ZNF551: variants seen among roughly 807,000 people sequenced by gnomAD.
ZNF551 encodes the protein KOX 23 protein (56 AA).
Under a neutral mutation model 7.9 loss-of-function variants are expected in ZNF551, and 5 were observed. The observed-to-expected ratio is 0.63, with a 90% CI of 0.33 to 1.33. The LOEUF is 1.33. ZNF551 is among the 40% of genes most tolerant of loss of function. The pLI is 0.05. For synonymous variants in ZNF551, 287 were observed against 277.3 expected (o/e 1.03, Z -0.35); for missense variants, 788 against 825.2 (o/e 0.95, Z 0.55).
rs760377105 is a variant in ZNF551, at chr19:57,686,729, A to C, written c.454A>C (p.Lys152Gln). 1.2e-6 allele frequency: 2 copies of C among 1,614,198 alleles called. No homozygotes were observed. The highest frequency in any genetic ancestry group is 3.3e-5 in the Admixed American group (2 of 60,022). The change falls in exon 3 of 3, where the codon AAG becomes CAG. Residue 152 changes from lysine to glutamine, a missense_variant. Transcript: ENST00000282296. Reference sequence around the variant, plus strand: ...CAGTGCTGACCTTCACCAGCATCAAAAGCATTACAATGAAGAAGAGCCCTG... The same window carrying C: ...CAGTGCTGACCTTCACCAGCATCAACAGCATTACAATGAAGAAGAGCCCTG... ...CFSADLHQHQ[K>Q]HYNEEEPWKR...
intron 1 of ZNF551, among the ~76,000 whole-genome samples, chr19:57,682,475 T>C (rs1215431602): frequency 3.3e-5 from 5 of 152,072 alleles, no homozygotes; most frequent in Non-Finnish European, 7.4e-5. Flanking sequence ...TTCAGGAGCC[T>C]GGGGTCCGTC....
chr19:57,686,757 A>T lies in ZNF551; in HGVS notation c.482A>T (p.Lys161Ile). 6.2e-7 allele frequency: 1 copy of T among 1,614,200 alleles called. No individual in the cohort carries two copies. ...CATTACAATGAAGAAGAGCCCTGGA[A>T]AAGGAAGGTGGATGAGGCTACATTT... ...QKHYNEEEPW[K>I]RKVDEATFVT... The change falls in exon 3 of 3, where the codon AAA becomes ATA. Residue 161 changes from lysine to isoleucine, a missense_variant. By Grantham distance (102) the Lys-to-Ile change is moderately radical. Transcript: ENST00000282296.
chr19:57,684,340 G>A (rs1196991546), intron 1 of ZNF551, among the ~76,000 whole-genome samples: 1 of 152,158 alleles, frequency 6.6e-6, no homozygotes, highest in East Asian at 1.9e-4. Flanking sequence ...CTGTGGGAGT[G>A]ACACTGTGAG....
rs998045583 is a variant in ZNF551, at chr19:57,688,057, A to G, written c.1782A>G (p.Lys594=). Residue 594 remains lysine, a synonymous_variant, in exon 3 of 3, where the codon AAA becomes AAG. Transcript: ENST00000282296. The stretch of plus-strand genomic sequence containing the variant: ...CTTATGAATGTAGTGAATGTGGGAA[A>G]TCCTTTAGCCAGAGCTCTAGCCTCA... The part of the protein sequence containing the change: ...ERPYECSECG[K]SFSQSSSLIQ... 57 of 1,613,874 alleles carry G rather than the reference A, an allele frequency of 3.5e-5. No individual in the cohort carries two copies. Among genetic ancestry groups the G allele is most frequent in the Non-Finnish European group, 4.5e-5 (53 of 1,179,994 alleles).
In ZNF551 at chr19:57,686,854, A is replaced by G. The variant is rs751151566; in HGVS notation, c.579A>G (p.Leu193=). The G allele has an allele frequency of 1.2e-6, 2 of 1,614,060 alleles. No homozygotes were observed. Among genetic ancestry groups the G allele is most frequent in the South Asian group, 1.1e-5 (1 of 91,086 alleles). ...CGEAFPAPTD[L]LQHEATPSGE... ...AGGCCTTCCCAGCCCCCACGGACCT[A>G]CTCCAACACGAAGCCACTCCCAGTG... The change falls in exon 3 of 3, where the codon CTA becomes CTG. Residue 193 remains leucine, a synonymous_variant. Coordinates refer to ENST00000282296, the MANE Select transcript of ZNF551 (RefSeq NM_138347.5).
intron 1 of ZNF551, among the ~76,000 whole-genome samples, chr19:57,683,987 G>A (rs921797672): frequency 6.6e-6 from 1 of 152,164 alleles, no homozygotes; most frequent in Non-Finnish European, 1.5e-5. Context: ...ATGGGCCCGG[G>A]GTAGAGAGCC....
rs775536370 is a variant in ZNF551, at chr19:57,686,900, A to G, written c.625A>G (p.Ser209Gly). 10 of 1,614,228 alleles carry G rather than the reference A, an allele frequency of 6.2e-6. No individual in the cohort carries two copies. Among genetic ancestry groups the G allele is most frequent in the Non-Finnish European group, 8.5e-6 (10 of 1,180,036 alleles). ...TPSGEEPHSSSSKHIQAFFNA... is the reference protein window; with the variant it reads ...TPSGEEPHSSGSKHIQAFFNA... ...CAGTGGTGAGGAGCCACACAGTAGC[A>G]GCAGCAAGCATATACAGGCATTTTT... is the stretch of plus-strand genomic sequence containing the variant. The change falls in exon 3 of 3, where the codon AGC (serine) becomes GGC (glycine). Residue 209 changes from serine to glycine, a missense_variant. Physicochemically the swap from Ser to Gly is moderately conservative, Grantham distance 56 (BLOSUM62 0). Transcript: ENST00000282296.
At chr19:57,686,454 A>G in intron 2 of ZNF551, 27 bp from the exon 3 acceptor site, 1 of 1,592,876 alleles carries the variant, frequency 6.3e-7, no homozygotes, top group Non-Finnish European at 8.6e-7. Context: ...GTCAGCATGC[A>G]TTTCATCAGC....
Position 57,687,954 on chromosome 19 carries a change from A to G in ZNF551, c.1679A>G (p.Glu560Gly). 1 of 1,614,164 alleles carries G rather than the reference A, an allele frequency of 6.2e-7. No homozygotes were observed. Among genetic ancestry groups the G allele is most frequent in the African/African-American group, 1.3e-5 (1 of 75,054 alleles). ...RRLHTGERPYECSECGKSFSQ... is the reference protein window; with the variant it reads ...RRLHTGERPYGCSECGKSFSQ... ...CTTCATACTGGAGAAAGGCCTTATG[A>G]ATGTAGTGAATGTGGAAAGTCTTTT... The change falls in exon 3 of 3, where the codon GAA becomes GGA. Residue 560 changes from glutamate to glycine, a missense_variant. Coordinates refer to ENST00000282296, the MANE Select transcript of ZNF551 (RefSeq NM_138347.5).
At chr19:57,682,457 G>A (rs186166867) in intron 1 of ZNF551, among the ~76,000 whole-genome samples, 1 of 151,934 alleles carries the variant, frequency 6.6e-6, no homozygotes, top group Non-Finnish European at 1.5e-5. Context: ...CGACTAAGCT[G>A]GGGGGGATTC....
At chr19:57,684,446 C>G (rs931293885) in intron 1 of ZNF551, among the ~76,000 whole-genome samples, 2 of 152,088 alleles carry the variant, frequency 1.3e-5, no homozygotes, top group African/African-American at 4.8e-5. Flanking sequence ...AACCAAGACC[C>G]TTGGTTGTGT....
chr19:57,687,919 G>A lies in ZNF551; in HGVS notation c.1644G>A (p.Gln548=), dbSNP rs774920345. 5.6e-6 allele frequency: 9 copies of A among 1,613,844 alleles called. No homozygotes were observed. Among genetic ancestry groups the A allele is most frequent in the Non-Finnish European group, 7.6e-6 (9 of 1,179,994 alleles). Residue 548 remains glutamine, a synonymous_variant, in exon 3 of 3, where the codon CAG becomes CAA. Coordinates refer to ENST00000282296, the MANE Select transcript of ZNF551 (RefSeq NM_138347.5). ...KSFRQRSGLI[Q]HRRLHTGERP... ...TTAGACAGCGCTCTGGCCTCATTCA[G>A]CACCGGAGACTTCATACTGGAGAAA... is the stretch of plus-strand genomic sequence containing the variant.
rs867919448 is a variant in ZNF551 at position 57,686,757 on chromosome 19, AAAGG to A, written c.487_490del (p.Lys163TrpfsTer7). On this transcript the variant is annotated frameshift_variant, in exon 3 of 3. Transcript: ENST00000282296. LOFTEE classifies it low-confidence loss of function (END_TRUNC). ...CATTACAATGAAGAAGAGCCCTGGA[AAAGG>A]AAGGTGGATGAGGCTACATTTGTGA... is the stretch of plus-strand genomic sequence containing the variant. 5.6e-6 allele frequency: 9 copies of A among 1,614,082 alleles called. No individual in the cohort carries two copies. The highest frequency in any genetic ancestry group is 4.0e-5 in the African/African-American group (3 of 74,932).
intron 1 of ZNF551, among the ~76,000 whole-genome samples, chr19:57,684,269 T>G (rs1395820808): frequency 6.6e-6 from 1 of 152,178 alleles, no homozygotes; most frequent in African/African-American, 2.4e-5. Flanking sequence ...CCCCATATGC[T>G]GAGTAACCAG....
rs201532900 is a variant in ZNF551, at chr19:57,687,924, G to A, written c.1649G>A (p.Arg550Gln). The A allele has an allele frequency of 7.7e-5, 125 of 1,613,924 alleles. No homozygotes were observed. The highest frequency in any genetic ancestry group is 1.6e-4 in the Middle Eastern group (1 of 6,062). ...CAGCGCTCTGGCCTCATTCAGCACC[G>A]GAGACTTCATACTGGAGAAAGGCCT... ...FRQRSGLIQHRRLHTGERPYE... is the reference protein window; with the variant it reads ...FRQRSGLIQHQRLHTGERPYE... Residue 550 changes from arginine (R) to glutamine (Q), a missense_variant, in exon 3 of 3, where the codon CGG becomes CAG. Arg to Gln is a conservative substitution (Grantham distance 43, BLOSUM62 1). Transcript: ENST00000282296.
chr19:57,688,547 G>C lies in ZNF551; in HGVS notation c.*259G>C, dbSNP rs1350904909. ...ACCACCTGGCAGGTGCACACCATGT[G>C]CATGAGTCACTTCCCCACAGTGCTC... On this transcript the variant is annotated 3_prime_UTR_variant, in exon 3 of 3. Transcript: ENST00000282296. 1 of 517,478 alleles carries C rather than the reference G, an allele frequency of 1.9e-6. No homozygotes were observed. Among genetic ancestry groups the C allele is most frequent in the Non-Finnish European group, 3.4e-6 (1 of 289,984 alleles). The allele number at this position is 517,478 out of a possible 1,614,324, so 32.1% of individuals were successfully genotyped here.
intron 1 of ZNF551, 103 bp downstream of exon 1, chr19:57,682,347 C>T (rs955593197): frequency 3.3e-5 from 42 of 1,273,632 alleles, no homozygotes; most frequent in Non-Finnish European, 4.5e-5. Context: ...GCCCCAGTAC[C>T]CTGGACAAGA....
rs960938851 is a variant in ZNF551 at position 57,686,407 on chromosome 19, A to C, written c.206-74A>C. 5.8e-6 allele frequency: 9 copies of C among 1,555,990 alleles called. 1 individual carries two copies. Among genetic ancestry groups the C allele is most frequent in the Admixed American group, 3.6e-5 (2 of 55,142 alleles). On this transcript the variant is annotated intron_variant, in intron 2 of 2. Transcript: ENST00000282296. Reference sequence around the variant, plus strand: ...TCCATGCACTCAGTTCTTGTGTCTCACACATTTTTGTGATACATCTTTCTC... The same window carrying C: ...TCCATGCACTCAGTTCTTGTGTCTCCCACATTTTTGTGATACATCTTTCTC...
Position 57,688,902 on chromosome 19 carries a change from GAATGACTTGT to G in ZNF551, c.*617_*626del, listed in dbSNP as rs1338867200. The G allele has an allele frequency of 2.0e-5, 3 of 153,730 alleles. No homozygotes were observed. Among genetic ancestry groups the G allele is most frequent in the Non-Finnish European group, 4.3e-5 (3 of 69,130 alleles). The allele number at this position is 153,730 out of a possible 1,614,324, so 9.5% of individuals were successfully genotyped here. A position where few individuals can be genotyped will look rare whatever the true frequency, so the allele number is the denominator to read the frequency against. The stretch of plus-strand genomic sequence containing the variant: ...TCTTGGGTGTTCTATTCATTGCATA[GAATGACTTGT>G]AAGCAGAATAGTGATGTCAGCATGA... On this transcript the variant is annotated 3_prime_UTR_variant, in exon 3 of 3. Transcript: ENST00000282296.
Sources: gnomAD v4.1 joint callset for allele counts (sites outside exome capture counted in the v4.1 genomes callset) on GRCh38, gnomAD v4.1.1 for gene constraint, MANE v1.5 for transcripts, NCBI Gene and HGNC (gene_info 2026-07-23, HGNC 2026-07-21) for gene names.